Variants in NDST4 observed in about 807,000 individuals in gnomAD.
NDST4 encodes N-deacetylase and N-sulfotransferase 4, also known as N-heparan sulfate sulfotransferase 4.
In NDST4, 63 loss-of-function variants were observed where a neutral mutation model predicts 100.8. The observed-to-expected ratio is 0.62, with a 90% CI of 0.51 to 0.77. The LOEUF is 0.77. Ranked by LOEUF, NDST4 falls within the 30% of genes least tolerant of loss-of-function variation. The probability of loss-of-function intolerance (pLI) is 0.00; values close to 1 mark genes in which losing one functional copy is unlikely to be tolerated. For missense variants in NDST4, 943 were observed against 1,018.4 expected, an observed-to-expected ratio of 0.93 and a Z score of 1.01; for synonymous variants, 377 against 361.8, an observed-to-expected ratio of 1.04 and a Z score of -0.48.
chr4:114,934,395 C>T (rs1310749551), intron 6 of NDST4, among the ~76,000 whole-genome samples: 1 of 151,472 alleles, frequency 6.6e-6, no homozygotes, highest in Non-Finnish European at 1.5e-5. Flanking sequence ...TCTAAAAATA[C>T]AAAAAATTAG....
chr4:114,962,637 A>G lies in NDST4; in HGVS notation c.1221+7793T>C, dbSNP rs1726289085. 2.0e-5 allele frequency among the ~76,000 whole-genome samples: 3 copies of G among 152,064 alleles called. No individual in the cohort carries two copies. The South Asian group carries it at 6.2e-4, about 31-fold the overall frequency. ...CAAAATTTAGACTCTGAAAATTATA[A>G]AATATTGTTTAAAGAAATTATAGCC... On this transcript the variant is annotated intron_variant, in intron 4 of 13. Transcript: ENST00000264363.
At chr4:115,014,639 G>A (rs1390080514) in intron 2 of NDST4, among the ~76,000 whole-genome samples, 1 of 152,012 alleles carries the variant, frequency 6.6e-6, no homozygotes, top group Admixed American at 6.6e-5. Flanking sequence ...TGTCACTTGG[G>A]TTATATGATC....
At chr4:115,108,254 G>A (rs1461813852) in intron 1 of NDST4, among the ~76,000 whole-genome samples, 2 of 151,866 alleles carry the variant, frequency 1.3e-5, no homozygotes, top group African/African-American at 4.8e-5. Flanking sequence ...ATTTATTTCT[G>A]ATGTTTAAAT....
At chr4:115,064,471 G>A (rs935415069) in intron 2 of NDST4, among the ~76,000 whole-genome samples, 5 of 152,094 alleles carry the variant, frequency 3.3e-5, no homozygotes, top group Admixed American at 6.6e-5. Context: ...ATGGTAGGAG[G>A]CACTCATGTT....
chr4:114,855,501 GT>G (rs1439347729), intron 7 of NDST4, among the ~76,000 whole-genome samples: 1 of 152,134 alleles, frequency 6.6e-6, no homozygotes, highest in East Asian at 1.9e-4. Context: ...CAGCTATCCA[GT>G]TTTTCCAGTA....
intron 2 of NDST4, among the ~76,000 whole-genome samples, chr4:115,032,198 C>CT (rs1210261160): frequency 1.3e-5 from 2 of 152,098 alleles, no homozygotes; most frequent in Non-Finnish European, 2.9e-5. Flanking sequence ...ATATAAGCTG[C>CT]TTCCTAGTCT....
chr4:114,949,352 T>C (rs1232189779), intron 4 of NDST4, among the ~76,000 whole-genome samples: 1 of 151,982 alleles, frequency 6.6e-6, no homozygotes, highest in African/African-American at 2.4e-5. Flanking sequence ...AGGGAAAGCA[T>C]TAGAGCATGA....
chr4:114,887,058 G>C (rs1230862272), intron 6 of NDST4, among the ~76,000 whole-genome samples: 2 of 152,096 alleles, frequency 1.3e-5, no homozygotes, highest in African/African-American at 4.8e-5. Context: ...ATTACACTTT[G>C]GCTTTCACAT....
At chr4:114,872,805 G>A (rs1234407095) in intron 6 of NDST4, among the ~76,000 whole-genome samples, 1 of 151,930 alleles carries the variant, frequency 6.6e-6, no homozygotes, top group Non-Finnish European at 1.5e-5. Context: ...CATCTAGTCA[G>A]TGGCAGAGCA....
chr4:115,001,460 C>G (rs1292967857), intron 2 of NDST4, among the ~76,000 whole-genome samples: 1 of 151,806 alleles, frequency 6.6e-6, no homozygotes, highest in Non-Finnish European at 1.5e-5. Context: ...TTAGGAGATT[C>G]ATGGGTTTTT....
chr4:114,893,080 C>T (rs1026255094), intron 6 of NDST4, among the ~76,000 whole-genome samples: 2 of 148,068 alleles, frequency 1.4e-5, no homozygotes, highest in Admixed American at 1.3e-4. Flanking sequence ...GATCTCATTC[C>T]TTTTTATGGC....
chr4:115,012,529 T>C (rs1355721892), intron 2 of NDST4, among the ~76,000 whole-genome samples: 1 of 152,084 alleles, frequency 6.6e-6, no homozygotes, highest in African/African-American at 2.4e-5. Flanking sequence ...AAACAGTTAA[T>C]ATTGAAGTAT....
intron 2 of NDST4, among the ~76,000 whole-genome samples, chr4:114,997,307 C>G (rs1355014182): frequency 1.3e-5 from 2 of 151,886 alleles, no homozygotes; most frequent in Non-Finnish European, 2.9e-5. Context: ...TATTTTCTTT[C>G]TACTTCTCCT....
In NDST4 at chr4:115,097,733, C is replaced by A. The variant is rs138886693; in HGVS notation, c.-247+15711G>T. ...GTCTCTCCTCTGATCAACTCCCCAC[C>A]ACCAAAATCGGCCCTAATTTTACTT... On this transcript the variant is annotated intron_variant, in intron 1 of 13. Coordinates refer to ENST00000264363, the MANE Select transcript of NDST4 (RefSeq NM_022569.3). 1.4e-4 allele frequency among the ~76,000 whole-genome samples: 22 copies of A among 152,228 alleles called. No homozygotes were observed. The East Asian group carries it at 1.9e-3, about 13-fold the overall frequency.
intron 4 of NDST4, among the ~76,000 whole-genome samples, chr4:114,961,605 G>GT (rs141907531): frequency 0.027 from 4,038 of 152,016 alleles, 177 homozygotes; most frequent in African/African-American, 0.089. Context: ...ATTAGTAAAT[G>GT]TCTAGACACA....
chr4:114,913,747 A>C (rs1277076339), intron 6 of NDST4, among the ~76,000 whole-genome samples: 4 of 140,252 alleles, frequency 2.9e-5, no homozygotes, highest in East Asian at 4.2e-4. Flanking sequence ...AAAAAAAAAA[A>C]AAACACTTTT....
At chr4:115,022,378 C>CATATGTGTTCCAT (rs1727861312) in intron 2 of NDST4, among the ~76,000 whole-genome samples, 1 of 18,758 alleles carries the variant, frequency 5.3e-5, no homozygotes, top group Non-Finnish European at 1.2e-4. Flanking sequence ...GTTCCATGTA[C>CATATGTGTTCCAT]ATATGTGTTC....
At chr4:114,948,832 T>C (rs1725926446) in intron 4 of NDST4, among the ~76,000 whole-genome samples, 1 of 152,106 alleles carries the variant, frequency 6.6e-6, no homozygotes, top group Non-Finnish European at 1.5e-5. Context: ...GTTCAGCTAC[T>C]ATAGATAAAG....
chr4:115,061,565 T>C (rs917714422), intron 2 of NDST4, among the ~76,000 whole-genome samples: 4 of 151,624 alleles, frequency 2.6e-5, no homozygotes, highest in South Asian at 2.1e-4. Context: ...TAAGTGGGAG[T>C]TGAATAATGA....
Sources: allele counts gnomAD v4.1 joint callset (sites outside exome capture counted in the v4.1 genomes callset), GRCh38; gene constraint gnomAD v4.1.1; transcripts MANE v1.5; gene names NCBI Gene and HGNC (gene_info 2026-07-23, HGNC 2026-07-21).